The following SUN3 variants were observed in gnomAD, a reference collection of about 807,000 sequenced individuals.
The protein encoded by SUN3 is SUN domain-containing protein 3.
SUN3 carries 36 observed loss-of-function variants against 48.2 expected under a neutral mutation model. The observed-to-expected ratio is 0.75, with a 90% CI of 0.57 to 0.99. The LOEUF is 0.99. Ranked by LOEUF, SUN3 falls within the 50% of genes least tolerant of loss-of-function variation. The pLI, the probability that SUN3 is intolerant of heterozygous loss-of-function variation, is 0.00. For missense variants in SUN3, 419 were observed against 433.1 expected (o/e 0.97, Z 0.29); for synonymous variants, 148 against 147.9 (o/e 1.00, Z 0.00).
At position 48,002,151 on chromosome 7, in the gene SUN3, CTTTTTTTTTTTTTTTTTT is replaced by C. The variant is rs71006541; in HGVS notation, c.577+3800_577+3817del. ...CATTGTGGTTTTGATTTGCATTTCT[CTTTTTTTTTTTTTTTTTT>C]TTTTTTTTGAGACGGAGTCTCGCTC... On this transcript the variant is annotated intron_variant, in intron 6 of 9. Transcript: ENST00000297325. Among the ~76,000 whole-genome samples the C allele has an allele frequency of 5.6e-4, 36 of 64,154 alleles. 6 individuals carry two copies. Among genetic ancestry groups the C allele is most frequent in the African/African-American group, 3.2e-3 (32 of 10,024 alleles). 42.1% of individuals were successfully genotyped at this position (64,154 alleles called of 152,430 possible).
chr7:47,996,676 A>G (rs1789221488), intron 6 of SUN3, among the ~76,000 whole-genome samples: 1 of 152,212 alleles, frequency 6.6e-6, no homozygotes, highest in South Asian at 2.1e-4. Flanking sequence ...AGCAAAATGT[A>G]TTTTATACAG....
At chr7:48,031,005 T>A (rs1790248530), upstream of SUN3, among the ~76,000 whole-genome samples, 1 of 152,090 alleles carries the variant, frequency 6.6e-6, no homozygotes, top group African/African-American at 2.4e-5. Flanking sequence ...ATAAAAGACT[T>A]AAACATAAGA....
At chr7:48,012,585 A>G (rs1298292356) in intron 3 of SUN3, among the ~76,000 whole-genome samples, 1 of 152,208 alleles carries the variant, frequency 6.6e-6, no homozygotes, top group East Asian at 1.9e-4. Flanking sequence ...GGTGAATCCT[A>G]CAAACTATAG....
At chr7:47,995,061 T>C (rs1789168754) in intron 7 of SUN3, among the ~76,000 whole-genome samples, 1 of 152,038 alleles carries the variant, frequency 6.6e-6, no homozygotes, top group Non-Finnish European at 1.5e-5. Flanking sequence ...GTAATGGTGA[T>C]GGTAGTAATG....
intron 2 of SUN3, among the ~76,000 whole-genome samples, chr7:48,025,079 A>T (rs1790098463): frequency 6.6e-6 from 1 of 152,314 alleles, no homozygotes; most frequent in South Asian, 2.1e-4. Context: ...AATTGAGAAC[A>T]GGTGTTCAAA....
At chr7:47,992,189 T>C (rs1052053925) in intron 8 of SUN3, among the ~76,000 whole-genome samples, 1 of 152,180 alleles carries the variant, frequency 6.6e-6, no homozygotes, top group Non-Finnish European at 1.5e-5. Flanking sequence ...CAAAGCTTCC[T>C]GCCGGCTTTG....
chr7:47,992,569 T>C (rs1241531260), intron 8 of SUN3, among the ~76,000 whole-genome samples: 2 of 151,972 alleles, frequency 1.3e-5, no homozygotes, highest in East Asian at 3.9e-4. Context: ...TTTTTAAAAA[T>C]AATAAATTAG....
chr7:48,021,156 G>A (rs1248329113), intron 2 of SUN3, among the ~76,000 whole-genome samples: 1 of 151,982 alleles, frequency 6.6e-6, no homozygotes, highest in African/African-American at 2.4e-5. Context: ...ACATACGCTG[G>A]GGAAATCATA....
rs146301865 is a variant in SUN3 at position 47,992,154 on chromosome 7, C to A, written c.861+2161G>T. 2.4e-3 allele frequency among the ~76,000 whole-genome samples: 362 copies of A among 152,280 alleles called. 1 individual carries two copies. The highest frequency in any genetic ancestry group is 8.2e-3 in the African/African-American group (340 of 41,540). ...CCAGATGATTCCCGCTGCAAACTCACGACGGATGAGCCCCACCGTGCGCGC... is the reference window on the plus strand; with the variant it reads ...CCAGATGATTCCCGCTGCAAACTCAAGACGGATGAGCCCCACCGTGCGCGC... On this transcript the variant is annotated intron_variant, in intron 8 of 9. Coordinates refer to ENST00000297325, the MANE Select transcript of SUN3 (RefSeq NM_001030019.2).
the SUN3 span, among the ~76,000 whole-genome samples, chr7:48,035,182 A>G: frequency 3.2e-3 from 490 of 152,294 alleles, 1 homozygote; most frequent in Non-Finnish European, 5.6e-3. The surrounding 1 kb of genome is among the most constrained non-coding windows in gnomAD (Gnocchi z 4.0). Context: ...ACCGCTCTAC[A>G]GTAACTGTGG....
chr7:48,002,714 G>T lies in SUN3; in HGVS notation c.577+3255C>A, dbSNP rs559256288. On this transcript the variant is annotated intron_variant, in intron 6 of 9. Transcript: ENST00000297325. ...CTCCATTGATAGTTTCTTTTTCTGT[G>T]CAGCAGCTCTTTAGTTTAATTAGAT... 3.9e-5 allele frequency among the ~76,000 whole-genome samples: 6 copies of T among 152,240 alleles called. No individual in the cohort carries two copies. In the East Asian group the frequency reaches 9.6e-4, roughly 24 times the overall value.
chr7:48,028,913 C>G lies in SUN3; in HGVS notation c.26G>C (p.Arg9Thr). Residue 9 changes from arginine to threonine, a missense_variant, in exon 1 of 10, where the codon AGG (arginine) becomes ACG (threonine). Coordinates refer to ENST00000297325, the MANE Select transcript of SUN3 (RefSeq NM_001030019.2). MSGKTKARRAAMFFRRCSE... is the reference protein window; with the variant it reads MSGKTKARTAAMFFRRCSE... ...GCAACGTCTAAAAAACATGGCAGCC[C>G]TTCTTGCCTTTGTTTTTCCACTCAT... 1 of 1,613,934 alleles carries G rather than the reference C, an allele frequency of 6.2e-7. No homozygotes were observed. Among genetic ancestry groups the G allele is most frequent in the Non-Finnish European group, 8.5e-7 (1 of 1,179,840 alleles).
rs1789143018 is a variant in SUN3 at position 47,994,315 on chromosome 7, A to G, written c.861T>C (p.Tyr287=). Residue 287 remains tyrosine (Y), a splice_region_variant and synonymous_variant, in exon 8 of 10, where the codon TAT becomes TAC. Coordinates refer to ENST00000297325, the MANE Select transcript of SUN3 (RefSeq NM_001030019.2). ...ATGACAAATTTAGATAGCTTCTTAC[A>G]TAGACAGAAAATTCCTTGGGTGCAC... ...ISSAPKEFSV[Y]GITKKCEGEE... 1.9e-6 allele frequency: 3 copies of G among 1,613,234 alleles called. No homozygotes were observed. The highest frequency in any genetic ancestry group is 2.2e-5 in the South Asian group (2 of 90,828).
chr7:48,008,048 T>C (rs1789580036), intron 4 of SUN3, among the ~76,000 whole-genome samples: 1 of 152,132 alleles, frequency 6.6e-6, no homozygotes, highest in Admixed American at 6.5e-5. Flanking sequence ...GGTCTCAAAC[T>C]CCTGACCTCA....
chr7:47,994,416 C>A lies in SUN3; in HGVS notation c.760G>T (p.Ala254Ser), dbSNP rs772821222. 6.2e-7 allele frequency: 1 copy of A among 1,612,970 alleles called. No individual in the cohort carries two copies. Among genetic ancestry groups the A allele is most frequent in the African/African-American group, 1.3e-5 (1 of 74,870 alleles). ...ACAGCAGTTGGTATGATCTTTGTAG[C>A]AAGCTTGATTAGGGTATGACCCTGG... is the stretch of plus-strand genomic sequence containing the variant. Reference protein sequence around the residue: ...GSQGHTLIKLATKIIPTAVTM... With the variant: ...GSQGHTLIKLSTKIIPTAVTM... The change falls in exon 8 of 10, where the codon GCT becomes TCT. Residue 254 changes from alanine (A) to serine (S), a missense_variant. Transcript: ENST00000297325.
chr7:48,021,847 T>C (rs1790006974), intron 2 of SUN3, among the ~76,000 whole-genome samples: 1 of 152,144 alleles, frequency 6.6e-6, no homozygotes, highest in East Asian at 1.9e-4. Flanking sequence ...ACAACCACTC[T>C]GCAGGATAGT....
At chr7:48,025,034 C>T (rs1790097227) in intron 2 of SUN3, among the ~76,000 whole-genome samples, 2 of 151,992 alleles carry the variant, frequency 1.3e-5, no homozygotes, top group Admixed American at 6.6e-5. Context: ...GTGGTTCCTC[C>T]CCAGAAATCT....
intron 2 of SUN3, among the ~76,000 whole-genome samples, chr7:48,020,871 C>T (rs1789974437): frequency 6.6e-6 from 1 of 152,060 alleles, no homozygotes; most frequent in Non-Finnish European, 1.5e-5. Flanking sequence ...TCTACATATT[C>T]AATGCAATCC....
chr7:48,006,413 T>C (rs1468841185), intron 5 of SUN3, among the ~76,000 whole-genome samples: 1 of 152,226 alleles, frequency 6.6e-6, no homozygotes, highest in Non-Finnish European at 1.5e-5. Context: ...TGTCCTGTGG[T>C]TAGCAGTAAA....
Sources: gnomAD v4.1 joint callset for allele counts (sites outside exome capture counted in the v4.1 genomes callset) on GRCh38, gnomAD v4.1.1 for gene constraint, Gnocchi (gnomAD v3.1) non-coding constraint, MANE v1.5 for transcripts, NCBI Gene and HGNC (gene_info 2026-07-23, HGNC 2026-07-21) for gene names.